Variants in B3GALT1 observed in about 807,000 individuals in gnomAD.
B3GALT1 encodes beta-1,3-galactosyltransferase 1.
In B3GALT1, 10 loss-of-function variants were observed where a neutral mutation model predicts 23.2. That is an observed-to-expected ratio of 0.43 (90% confidence interval 0.27 to 0.73). The LOEUF (loss-of-function observed/expected upper bound fraction) is 0.73. Ranked by LOEUF, B3GALT1 falls within the 30% of genes least tolerant of loss-of-function variation. The pLI, the probability that B3GALT1 is intolerant of heterozygous loss-of-function variation, is 0.21. For synonymous variants in B3GALT1, 156 were observed against 141.5 expected, an observed-to-expected ratio of 1.10 and a Z score of -0.73; for missense variants, 299 against 405.4, an observed-to-expected ratio of 0.74 and a Z score of 2.25.
intron 4 of B3GALT1, among the ~76,000 whole-genome samples, chr2:167,850,174 C>T (rs1399921069): frequency 5.9e-5 from 9 of 152,270 alleles, no homozygotes; most frequent in East Asian, 5.8e-4. Flanking sequence ...CCAGAATCTA[C>T]GACAAACTCA....
intron 4 of B3GALT1, among the ~76,000 whole-genome samples, chr2:167,849,589 A>T (rs1689828049): frequency 6.6e-6 from 1 of 152,184 alleles, no homozygotes; most frequent in South Asian, 2.1e-4. Flanking sequence ...CTCAAGATGG[A>T]TTAAGGACTT....
intron 3 of B3GALT1, among the ~76,000 whole-genome samples, chr2:167,767,907 G>T (rs939539570): frequency 6.6e-6 from 1 of 152,166 alleles, no homozygotes; most frequent in African/African-American, 2.4e-5. Context: ...ACCCAGGGAA[G>T]CCTGTGGTGT....
chr2:167,802,924 T>G (rs1688664886), intron 3 of B3GALT1, among the ~76,000 whole-genome samples: 1 of 152,170 alleles, frequency 6.6e-6, no homozygotes, highest in South Asian at 2.1e-4. Flanking sequence ...TAGTATTTTT[T>G]TATCACAAAG....
intron 1 of B3GALT1, among the ~76,000 whole-genome samples, chr2:167,323,305 T>C (rs1383264530): frequency 6.6e-6 from 1 of 152,086 alleles, no homozygotes; most frequent in Non-Finnish European, 1.5e-5. Context: ...TTAGGTGATA[T>C]CCTAAACGCA....
chr2:167,498,937 A>G (rs922600332), intron 2 of B3GALT1, among the ~76,000 whole-genome samples: 2 of 152,164 alleles, frequency 1.3e-5, no homozygotes, highest in African/African-American at 4.8e-5. Flanking sequence ...CAACAGGAAA[A>G]GAGGCTGGTA....
chr2:167,858,495 T>C (rs1485305010), intron 4 of B3GALT1, among the ~76,000 whole-genome samples: 7 of 152,198 alleles, frequency 4.6e-5, no homozygotes, highest in African/African-American at 1.7e-4. Context: ...TATGTTCATG[T>C]AGCACCATTT....
At chr2:167,847,736 C>T (rs1055036798) in intron 4 of B3GALT1, among the ~76,000 whole-genome samples, 3 of 152,074 alleles carry the variant, frequency 2.0e-5, no homozygotes, top group East Asian at 3.9e-4. Context: ...GAAATAACCA[C>T]ATTCAGAGCA....
At chr2:167,356,510 C>T (rs1319618835) in intron 1 of B3GALT1, among the ~76,000 whole-genome samples, 1 of 152,058 alleles carries the variant, frequency 6.6e-6, no homozygotes, top group African/African-American at 2.4e-5. Context: ...ATTTCTGTGT[C>T]TGCAACACTG....
intron 2 of B3GALT1, among the ~76,000 whole-genome samples, chr2:167,505,156 C>T (rs749270773): frequency 6.6e-5 from 10 of 152,098 alleles, no homozygotes; most frequent in Non-Finnish European, 1.5e-4. Context: ...GAAGATTACA[C>T]AATGGGCTGG....
intron 1 of B3GALT1, among the ~76,000 whole-genome samples, chr2:167,382,549 C>T (rs1473852924): frequency 6.6e-6 from 1 of 152,008 alleles, no homozygotes; most frequent in Non-Finnish European, 1.5e-5. Flanking sequence ...CTTTCAAGAG[C>T]TAATTGAGCT....
chr2:167,403,074 C>T (rs558832806), intron 1 of B3GALT1, among the ~76,000 whole-genome samples: 5 of 151,370 alleles, frequency 3.3e-5, no homozygotes, highest in South Asian at 2.1e-4. Context: ...ATGTGCACAA[C>T]GTGCAGGTTG....
intron 1 of B3GALT1, among the ~76,000 whole-genome samples, chr2:167,416,286 GTCC>G (rs1424507083): frequency 6.6e-6 from 1 of 152,120 alleles, no homozygotes; most frequent in Admixed American, 6.5e-5. Flanking sequence ...TTCCAACATA[GTCC>G]TCCTCAGCCA....
intron 1 of B3GALT1, among the ~76,000 whole-genome samples, chr2:167,348,834 GATCT>G (rs1471593600): frequency 6.6e-6 from 1 of 152,002 alleles, no homozygotes; most frequent in Non-Finnish European, 1.5e-5. Context: ...GGTTTTATAA[GATCT>G]ATCTTTCACA....
chr2:167,830,561 C>T (rs1689327944), intron 4 of B3GALT1, among the ~76,000 whole-genome samples: 1 of 152,072 alleles, frequency 6.6e-6, no homozygotes, highest in African/African-American at 2.4e-5. Flanking sequence ...ATGATGCTAC[C>T]ATTGTTGATT....
chr2:167,822,478 AAG>A (rs1689128428), intron 4 of B3GALT1, among the ~76,000 whole-genome samples: 1 of 152,174 alleles, frequency 6.6e-6, no homozygotes, highest in African/African-American at 2.4e-5. Flanking sequence ...ATTAGGGACC[AAG>A]ATACTCACGG....
chr2:167,496,329 G>A (rs1160506036), intron 2 of B3GALT1, among the ~76,000 whole-genome samples: 2 of 152,260 alleles, frequency 1.3e-5, no homozygotes, highest in East Asian at 1.9e-4. Context: ...GCCTTACAGT[G>A]AAGGTTTCTG....
chr2:167,676,467 C>A (rs569300660), intron 3 of B3GALT1, among the ~76,000 whole-genome samples: 1 of 149,052 alleles, frequency 6.7e-6, no homozygotes, highest in South Asian at 2.1e-4. Context: ...TCCCATCTAA[C>A]CTTATATATA....
intron 1 of B3GALT1, among the ~76,000 whole-genome samples, chr2:167,484,080 T>C (rs1163557987): frequency 6.6e-6 from 1 of 152,196 alleles, no homozygotes; most frequent in Non-Finnish European, 1.5e-5. Context: ...ATAAGCAACC[T>C]CTTTTAATAA....
At chr2:167,511,177 G>C (rs960289903) in intron 2 of B3GALT1, among the ~76,000 whole-genome samples, 2 of 152,084 alleles carry the variant, frequency 1.3e-5, no homozygotes, top group African/African-American at 4.8e-5. Flanking sequence ...GTTAAATTGT[G>C]TTCATTCATC....
Sources: allele counts gnomAD v4.1 joint callset (sites outside exome capture counted in the v4.1 genomes callset), GRCh38; gene constraint gnomAD v4.1.1; transcripts MANE v1.5; gene names NCBI Gene and HGNC (gene_info 2026-07-23, HGNC 2026-07-21).